ENY2: variants seen among roughly 807,000 people sequenced by gnomAD.
ENY2 encodes ENY2 transcription and export complex 2 subunit.
ENY2 carries 4 observed loss-of-function variants against 15.9 expected under a neutral mutation model. The ratio of observed to expected loss-of-function variants is 0.25; its 90% CI spans 0.12 to 0.57. The LOEUF (loss-of-function observed/expected upper bound fraction) is 0.57. Ranked by LOEUF, ENY2 falls within the 20% of genes least tolerant of loss-of-function variation. ENY2 has a pLI of 0.91. For synonymous variants in ENY2, 48 were observed against 38.0 expected (o/e 1.26, Z -0.97); for missense variants, 54 against 117.2 (o/e 0.46, Z 2.49).
intron 2 of ENY2, chr8:109,338,724 A>G (rs1257740946): frequency 6.6e-6 from 1 of 152,168 alleles, no homozygotes; most frequent in Non-Finnish European, 1.5e-5. Context: ...CATCGAGAGA[A>G]AGAAAACACT....
At chr8:109,334,608 A>C in intron 1 of ENY2, 134 bp downstream of exon 1, 2 of 1,115,630 alleles carry the variant, frequency 1.8e-6, no homozygotes, top group Non-Finnish European at 2.5e-6. Context: ...GTGCTACCGG[A>C]GTTGGCCTGA....
intron 4 of ENY2, among the ~76,000 whole-genome samples, chr8:109,342,385 G>A (rs895437857): frequency 3.6e-4 from 54 of 150,596 alleles, no homozygotes; most frequent in Admixed American, 1.9e-3. Context: ...ACACAATGTT[G>A]CCAACAGTGT....
At chr8:109,342,879 C>T (rs1816153735) in intron 4 of ENY2, 1 of 518,800 alleles carries the variant, frequency 1.9e-6, no homozygotes, top group African/African-American at 2.0e-5. Flanking sequence ...GTTTTAATTT[C>T]ATTTGTCTTC....
chr8:109,340,692 A>G, intron 4 of ENY2, 129 bp downstream of exon 4: 1 of 1,161,036 alleles, frequency 8.6e-7, no homozygotes, highest in Non-Finnish European at 1.2e-6. Flanking sequence ...GTAAAGAGTT[A>G]AAATTGCCTA....
intron 2 of ENY2, 22 bp downstream of exon 2, chr8:109,336,226 T>C (rs779980893): frequency 6.3e-7 from 1 of 1,588,310 alleles, no homozygotes; most frequent in East Asian, 2.3e-5. Flanking sequence ...ATTGTGTTAA[T>C]AAATTACATT....
intron 2 of ENY2, chr8:109,338,628 G>T (rs1303270094): frequency 6.6e-6 from 1 of 152,174 alleles, no homozygotes; most frequent in African/African-American, 2.4e-5. Flanking sequence ...TTGAAGATTT[G>T]TAAAAGTGGA....
intron 3 of ENY2, 155 bp downstream of exon 3, chr8:109,339,545 A>G (rs1586328091): frequency 1.7e-6 from 1 of 588,604 alleles, no homozygotes; most frequent in Non-Finnish European, 2.8e-6. Flanking sequence ...TGGCATATGT[A>G]GACCTAATTC....
rs932686376 is a variant in ENY2 at position 109,343,619 on chromosome 8, AT to A, written c.*145del. 2 of 559,350 alleles carry A rather than the reference AT, an allele frequency of 3.6e-6. No homozygotes were observed. The highest frequency in any genetic ancestry group is 4.1e-5 in the Admixed American group (1 of 24,480). 34.6% of individuals were successfully genotyped at this position (559,350 alleles called of 1,614,324 possible). A position where few individuals can be genotyped will look rare whatever the true frequency, so the allele number is the denominator to read the frequency against. On this transcript the variant is annotated 3_prime_UTR_variant, in exon 5 of 5. Coordinates refer to ENST00000521688, the MANE Select transcript of ENY2 (RefSeq NM_020189.6). ...CAGTAATGATGTATACATTGTATTGATTTTTTTCCCTAAATGTGTTATTTTA... is the reference window on the plus strand; with the variant it reads ...CAGTAATGATGTATACATTGTATTGATTTTTTCCCTAAATGTGTTATTTTA...
intron 4 of ENY2, 45 bp downstream of exon 4, chr8:109,340,608 AT>A: frequency 6.2e-7 from 1 of 1,600,594 alleles, no homozygotes; most frequent in Non-Finnish European, 8.5e-7. Flanking sequence ...TGCAGACATG[AT>A]TTTTTTAAAA....
intron 1 of ENY2, 31 bp downstream of exon 1, chr8:109,334,505 G>A (rs1259029375): frequency 2.4e-5 from 38 of 1,609,534 alleles, no homozygotes; most frequent in Non-Finnish European, 2.9e-5. Context: ...TCAGGGCCGG[G>A]ACCCGGGCCC....
In ENY2 at chr8:109,343,534, A is replaced by G. The variant is rs1318245084; in HGVS notation, c.*53A>G. ...TTTATTTCTGAAAGTAAAACTTGCC[A>G]TAAATTAGAAAACAATTTCCCAAAA... On this transcript the variant is annotated 3_prime_UTR_variant, in exon 5 of 5. Coordinates refer to ENST00000521688, the MANE Select transcript of ENY2 (RefSeq NM_020189.6). 1 of 1,512,918 alleles carries G rather than the reference A, an allele frequency of 6.6e-7. No homozygotes were observed. Among genetic ancestry groups the G allele is most frequent in the Non-Finnish European group, 9.0e-7 (1 of 1,106,560 alleles). The allele number at this position is 1,512,918 out of a possible 1,614,324, so 93.7% of individuals were successfully genotyped here.
chr8:109,341,251 A>G (rs374033013), intron 4 of ENY2, among the ~76,000 whole-genome samples: 2 of 152,272 alleles, frequency 1.3e-5, no homozygotes, highest in South Asian at 4.1e-4. Context: ...AGATGGCCCA[A>G]GTTGTTTTCT....
rs1010835314 is a variant in ENY2 at position 109,343,823 on chromosome 8, A to T, written c.*342A>T. Reference sequence around the variant, plus strand: ...GAAGTAAGCAACCTTTTCTGACTGCATATGGTGTATTCCTCTTTTGAGTCC... The same window carrying T: ...GAAGTAAGCAACCTTTTCTGACTGCTTATGGTGTATTCCTCTTTTGAGTCC... On this transcript the variant is annotated 3_prime_UTR_variant, in exon 5 of 5. Coordinates refer to ENST00000521688, the MANE Select transcript of ENY2 (RefSeq NM_020189.6). The T allele has an allele frequency of 5.5e-6, 1 of 183,244 alleles. No individual in the cohort carries two copies. The allele number at this position is 183,244 out of a possible 1,614,324, so 11.4% of individuals were successfully genotyped here.
intron 1 of ENY2, 67 bp from the exon 2 acceptor site, chr8:109,336,061 G>T (rs545168196): frequency 6.9e-7 from 1 of 1,456,074 alleles, no homozygotes. Flanking sequence ...TAGGATGCCT[G>T]CCTAGAGGAT....
At position 109,343,794 on chromosome 8, in the gene ENY2, C is replaced by T. The variant is rs957906279; in HGVS notation, c.*313C>T. On this transcript the variant is annotated 3_prime_UTR_variant, in exon 5 of 5. Transcript: ENST00000521688. Reference sequence around the variant, plus strand: ...TATGTACAGTTCTCTGTGTTAACAGCTGAGAAGTAAGCAACCTTTTCTGAC... The same window carrying T: ...TATGTACAGTTCTCTGTGTTAACAGTTGAGAAGTAAGCAACCTTTTCTGAC... 9.4e-6 allele frequency: 2 copies of T among 211,912 alleles called. No individual in the cohort carries two copies. The highest frequency in any genetic ancestry group is 1.9e-5 in the Non-Finnish European group (2 of 107,432). 13.1% of individuals were successfully genotyped at this position (211,912 alleles called of 1,614,324 possible).
chr8:109,343,364 TG>T (rs756302585), intron 4 of ENY2, 40 bp from the exon 5 acceptor site: 1 of 1,492,540 alleles, frequency 6.7e-7, no homozygotes, highest in South Asian at 1.2e-5. Context: ...ATGTATTAAT[TG>T]GTACCTTCTT....
At chr8:109,341,211 A>G (rs1816106054) in intron 4 of ENY2, among the ~76,000 whole-genome samples, 1 of 152,164 alleles carries the variant, frequency 6.6e-6, no homozygotes, top group African/African-American at 2.4e-5. Context: ...TTACTTTGGT[A>G]AAGTTGGGGT....
At chr8:109,342,374 A>G (rs1032755946) in intron 4 of ENY2, among the ~76,000 whole-genome samples, 26 of 151,356 alleles carry the variant, frequency 1.7e-4, no homozygotes, top group African/African-American at 6.3e-4. Flanking sequence ...TAGTCTTGCC[A>G]ACACAATGTT....
rs1816181285 is a variant in ENY2, at chr8:109,344,130, C to G, written c.*649C>G. 2 of 152,108 alleles carry G rather than the reference C, an allele frequency of 1.3e-5. No individual in the cohort carries two copies. The allele number at this position is 152,108 out of a possible 1,614,324, so 9.4% of individuals were successfully genotyped here. On this transcript the variant is annotated 3_prime_UTR_variant, in exon 5 of 5. Transcript: ENST00000521688. ...AACTTAATGGGAATTAATCTCCACCCATTAGCTTTACCCTGACATCAGGAT... is the reference window on the plus strand; with the variant it reads ...AACTTAATGGGAATTAATCTCCACCGATTAGCTTTACCCTGACATCAGGAT...
Sources: gnomAD v4.1 joint callset for allele counts (sites outside exome capture counted in the v4.1 genomes callset) on GRCh38, gnomAD v4.1.1 for gene constraint, MANE v1.5 for transcripts, NCBI Gene and HGNC (gene_info 2026-07-23, HGNC 2026-07-21) for gene names.